Variants in U2AF2 observed in about 807,000 individuals in gnomAD.
The protein encoded by U2AF2 is splicing factor U2AF 65 kDa subunit.
In U2AF2, 6 loss-of-function variants were observed where a neutral mutation model predicts 52.6. That is an observed-to-expected ratio of 0.11 (90% CI 0.06 to 0.23). U2AF2 has a LOEUF of 0.23. Ranked by LOEUF, U2AF2 falls within the 10% of genes least tolerant of loss-of-function variation. The pLI is 1.00. For missense variants in U2AF2, 222 were observed against 677.1 expected (o/e 0.33, Z 7.46); for synonymous variants, 284 against 258.2 (o/e 1.10, Z -0.96).
intron 11 of U2AF2, 58 bp from the exon 12 acceptor site, chr19:55,673,876 G>A: frequency 4.5e-6 from 7 of 1,561,508 alleles, no homozygotes; most frequent in Non-Finnish European, 6.1e-6. Flanking sequence ...TTGGGTGGAC[G>A]CTGACTGGCT....
chr19:55,669,094 G>T lies in U2AF2; in HGVS notation c.957G>T (p.Gly319=). 1 of 1,613,270 alleles carries T rather than the reference G, an allele frequency of 6.2e-7. No homozygotes were observed. The highest frequency in any genetic ancestry group is 1.1e-5 in the South Asian group (1 of 91,048). Residue 319 remains glycine (G), a synonymous_variant, in exon 10 of 12, where the codon GGG becomes GGT. Transcript: ENST00000308924. ...TCCTCCAAACACAGGCCATTGCGGG[G>T]CTGAACGGCATGCAGCTGGGGGATA... ...DINVTDQAIA[G]LNGMQLGDKK...
rs776177707 is a variant in U2AF2, at chr19:55,663,623, G to A, written c.621G>A (p.Glu207=). 18 of 1,614,122 alleles carry A rather than the reference G, an allele frequency of 1.1e-5. No homozygotes were observed. The South Asian group carries it at 2.0e-4, about 18-fold the overall frequency. The change falls in exon 7 of 12, where the codon GAG becomes GAA. Residue 207 remains glutamate, a synonymous_variant. Transcript: ENST00000308924. The part of the protein sequence containing the change: ...FAFLEFRSVD[E]TTQAMAFDGI... ...TCATTCAGTTCCGCTCAGTGGACGA[G>A]ACTACCCAGGCTATGGCCTTTGATG...
rs1031760919 is a variant in U2AF2, at chr19:55,655,788, A to G, written c.49+635A>G. Reference sequence around the variant, plus strand: ...GTCTGTTGGTAGTGGGGCGCCTCATATTAACGTGTTTGGCACATGTTGCCT... The same window carrying G: ...GTCTGTTGGTAGTGGGGCGCCTCATGTTAACGTGTTTGGCACATGTTGCCT... On this transcript the variant is annotated intron_variant, in intron 1 of 11. Coordinates refer to ENST00000308924, the MANE Select transcript of U2AF2 (RefSeq NM_007279.3). Among the ~76,000 whole-genome samples, 7 of 152,318 alleles carry G rather than the reference A, an allele frequency of 4.6e-5. 1 individual carries two copies. The highest frequency in any genetic ancestry group is 3.9e-4 in the Admixed American group (6 of 15,306).
At position 55,674,181 on chromosome 19, in the gene U2AF2, C is replaced by A; in HGVS notation, c.*113C>A. 1.0e-6 allele frequency: 1 copy of A among 960,240 alleles called. No homozygotes were observed. Among genetic ancestry groups the A allele is most frequent in the Non-Finnish European group, 1.4e-6 (1 of 738,528 alleles). The allele number at this position is 960,240 out of a possible 1,614,324, so 59.5% of individuals were successfully genotyped here. On this transcript the variant is annotated 3_prime_UTR_variant, in exon 12 of 12. Coordinates refer to ENST00000308924, the MANE Select transcript of U2AF2 (RefSeq NM_007279.3). Reference sequence around the variant, plus strand: ...CAGAGGAGTGACAGCCGCAGACACACGACAGCCGGCAGCAACTGGAATGGC... The same window carrying A: ...CAGAGGAGTGACAGCCGCAGACACAAGACAGCCGGCAGCAACTGGAATGGC...
chr19:55,664,084 C>A, intron 7 of U2AF2: 1 of 252,576 alleles, frequency 4.0e-6, no homozygotes, highest in Admixed American at 5.3e-5. Flanking sequence ...TCAGTCTGTG[C>A]CCGTCGGGGC....
chr19:55,663,452 C>A (rs563915011), intron 6 of U2AF2, among the ~76,000 whole-genome samples, 154 bp from the exon 7 acceptor site: 2 of 152,122 alleles, frequency 1.3e-5, no homozygotes, highest in East Asian at 3.9e-4. Flanking sequence ...CAGGGACATG[C>A]GTGTCTGTTG....
At chr19:55,655,921 C>A (rs1018383085) in intron 1 of U2AF2, among the ~76,000 whole-genome samples, 1 of 152,152 alleles carries the variant, frequency 6.6e-6, no homozygotes, top group Non-Finnish European at 1.5e-5. Context: ...AACCTCAAAT[C>A]ATTTACAATC....
At chr19:55,663,965 A>G in intron 7 of U2AF2, 2 of 603,692 alleles carry the variant, frequency 3.3e-6, no homozygotes, top group Non-Finnish European at 2.8e-6. Context: ...TGCTGAGGAC[A>G]CACAGCTTGT....
chr19:55,660,495 C>A, intron 3 of U2AF2, 21 bp from the exon 4 acceptor site: 1 of 899,654 alleles, frequency 1.1e-6, no homozygotes, highest in Non-Finnish European at 1.8e-6. Flanking sequence ...CTGCCCCGCT[C>A]TCCCCTCCCA....
At chr19:55,670,944 C>T (rs537232384) in intron 11 of U2AF2, among the ~76,000 whole-genome samples, 11 of 152,228 alleles carry the variant, frequency 7.2e-5, no homozygotes, top group African/African-American at 2.2e-4. Context: ...GAGGGCTTGC[C>T]GGGAGCTGGC....
intron 1 of U2AF2, among the ~76,000 whole-genome samples, chr19:55,655,507 T>G (rs1172511439): frequency 6.6e-6 from 1 of 152,278 alleles, no homozygotes; most frequent in African/African-American, 2.4e-5. Context: ...AAGGAGATTA[T>G]GTTAGTCCCC....
rs1413467674 is a variant in U2AF2, at chr19:55,674,658, C to G, written c.*590C>G. On this transcript the variant is annotated 3_prime_UTR_variant, in exon 12 of 12. Transcript: ENST00000308924. Reference sequence around the variant, plus strand: ...CCTGCCCCTCTCCTACTCTCTGTGGCAGTTTCATATTTGCTAAGACGAATT... The same window carrying G: ...CCTGCCCCTCTCCTACTCTCTGTGGGAGTTTCATATTTGCTAAGACGAATT... 6.6e-6 allele frequency: 1 copy of G among 152,670 alleles called. No individual in the cohort carries two copies. The highest frequency in any genetic ancestry group is 2.4e-5 in the African/African-American group (1 of 41,438). 9.5% of individuals were successfully genotyped at this position (152,670 alleles called of 1,614,324 possible).
intron 10 of U2AF2, 48 bp downstream of exon 10, chr19:55,669,229 T>G (rs1984729284): frequency 1.2e-6 from 2 of 1,602,242 alleles, no homozygotes; most frequent in South Asian, 2.2e-5. Context: ...TGGGAGGGGC[T>G]GGCTAGTAGG....
chr19:55,669,816 C>G (rs1984774794), intron 11 of U2AF2, 124 bp downstream of exon 11: 1 of 1,368,390 alleles, frequency 7.3e-7, no homozygotes, highest in Non-Finnish European at 9.7e-7. Context: ...CTTTCTTCCT[C>G]TCTCTCTCCT....
chr19:55,659,468 T>C (rs1337491938), intron 2 of U2AF2, 123 bp downstream of exon 2: 1 of 1,239,786 alleles, frequency 8.1e-7, no homozygotes, highest in Non-Finnish European at 1.0e-6. Flanking sequence ...GTTCGTTCTT[T>C]GTGTGGATCT....
At chr19:55,670,468 C>G (rs1984833721) in intron 11 of U2AF2, among the ~76,000 whole-genome samples, 3 of 107,348 alleles carry the variant, frequency 2.8e-5, no homozygotes, top group Non-Finnish European at 3.9e-5. Flanking sequence ...CCTGCTGTCC[C>G]GTGCACCCTG....
Position 55,660,498 on chromosome 19 carries a change from CCCT to C in U2AF2, c.231-15_231-13del. 4.6e-6 allele frequency: 4 copies of C among 863,396 alleles called. No homozygotes were observed. Among genetic ancestry groups the C allele is most frequent in the South Asian group, 1.4e-5 (1 of 70,074 alleles). 53.5% of individuals were successfully genotyped at this position (863,396 alleles called of 1,614,324 possible). A position where few individuals can be genotyped will look rare whatever the true frequency, so the allele number is the denominator to read the frequency against. On this transcript the variant is annotated splice_polypyrimidine_tract_variant and intron_variant, in intron 3 of 11. Transcript: ENST00000308924. ...ACTGAGGTTGCCCTGCCCCGCTCTC[CCCT>C]CCCACCTCCCCCAGTCGTTCCCCCC...
intron 1 of U2AF2, among the ~76,000 whole-genome samples, chr19:55,655,708 C>T (rs1983749695): frequency 6.6e-6 from 1 of 152,232 alleles, no homozygotes; most frequent in Non-Finnish European, 1.5e-5. Context: ...CTCGCGTACC[C>T]CTTTTCCTTT....
chr19:55,660,708 G>T lies in U2AF2; in HGVS notation c.334+89G>T, dbSNP rs1478312326. The T allele has an allele frequency of 6.9e-6, 9 of 1,304,038 alleles. 1 individual carries two copies. Among genetic ancestry groups the T allele is most frequent in the Non-Finnish European group, 9.7e-6 (9 of 929,234 alleles). The allele number at this position is 1,304,038 out of a possible 1,614,324, so 80.8% of individuals were successfully genotyped here. A position where few individuals can be genotyped will look rare whatever the true frequency, so the allele number is the denominator to read the frequency against. On this transcript the variant is annotated intron_variant, in intron 4 of 11. Transcript: ENST00000308924. Reference sequence around the variant, plus strand: ...CATTCCCCTGCGTGTGTGCTTGGAGGGGGTCAAAGACACAGGTAGAGGGTT... The same window carrying T: ...CATTCCCCTGCGTGTGTGCTTGGAGTGGGTCAAAGACACAGGTAGAGGGTT...
Sources: allele counts gnomAD v4.1 joint callset (sites outside exome capture counted in the v4.1 genomes callset), GRCh38; gene constraint gnomAD v4.1.1; transcripts MANE v1.5; gene names NCBI Gene and HGNC (gene_info 2026-07-23, HGNC 2026-07-21).